BCL2: variants seen among roughly 807,000 people sequenced by gnomAD.
BCL2 encodes the protein apoptosis regulator Bcl-2.
Under a neutral mutation model 14.2 loss-of-function variants are expected in BCL2, and 1 was observed. That is an observed-to-expected ratio of 0.07 (90% CI 0.02 to 0.33). BCL2 has a LOEUF of 0.33. Ranked by LOEUF, BCL2 falls within the 10% of genes least tolerant of loss-of-function variation. The pLI is 0.99. For synonymous variants in BCL2, 151 were observed against 137.2 expected (o/e 1.10, Z -0.70); for missense variants, 247 against 305.9 (o/e 0.81, Z 1.44).
At chr18:63,269,290 G>C (rs1911932420) in intron 2 of BCL2, among the ~76,000 whole-genome samples, 1 of 152,078 alleles carries the variant, frequency 6.6e-6, no homozygotes, top group Non-Finnish European at 1.5e-5. Context: ...TGGACTTACA[G>C]TTTTAAAATA....
chr18:63,145,758 T>C (rs1914495733), intron 2 of BCL2, among the ~76,000 whole-genome samples: 2 of 152,180 alleles, frequency 1.3e-5, no homozygotes, highest in Non-Finnish European at 2.9e-5. Context: ...AGGGAATGTG[T>C]TCAGTGCAAC....
chr18:63,232,415 G>T (rs1317134338), intron 2 of BCL2, among the ~76,000 whole-genome samples: 3 of 151,990 alleles, frequency 2.0e-5, no homozygotes, highest in Non-Finnish European at 4.4e-5. Context: ...AATATTTAGT[G>T]AACACTTAGT....
rs17686373 is a variant in BCL2 at position 63,263,085 on chromosome 18, G to A, written c.585+54997C>T. Among the ~76,000 whole-genome samples, 1,444 of 152,284 alleles carry A rather than the reference G, an allele frequency of 9.5e-3. 10 individuals are homozygous for A. Among genetic ancestry groups the A allele is most frequent in the Middle Eastern group, 0.021 (6 of 292 alleles). On this transcript the variant is annotated intron_variant, in intron 2 of 2. Coordinates refer to ENST00000333681, the MANE Select transcript of BCL2 (RefSeq NM_000633.3). ...CACAGAGGGGCTGAAATCCTTCCCGGAAAACTGTGCTCATCAGGGAACCTC... is the reference window on the plus strand; with the variant it reads ...CACAGAGGGGCTGAAATCCTTCCCGAAAAACTGTGCTCATCAGGGAACCTC...
chr18:63,143,852 C>T (rs1304985933), intron 2 of BCL2, among the ~76,000 whole-genome samples: 1 of 152,242 alleles, frequency 6.6e-6, no homozygotes, highest in Non-Finnish European at 1.5e-5. Flanking sequence ...TACTGACCGC[C>T]TGAGTTGCAC....
intron 2 of BCL2, among the ~76,000 whole-genome samples, chr18:63,261,509 G>A (rs764353366): frequency 1.1e-4 from 16 of 152,188 alleles, no homozygotes; most frequent in Non-Finnish European, 2.1e-4. Flanking sequence ...AGCTGCAAGA[G>A]AGCCATGCAG....
At chr18:63,218,669 G>T (rs62100192) in intron 2 of BCL2, among the ~76,000 whole-genome samples, 5 of 1,536 alleles carry the variant, frequency 3.3e-3, no homozygotes, top group African/African-American at 3.0e-3. Context: ...CCATCCTCCA[G>T]TCATCCCCAT....
At chr18:63,129,367 G>A (rs1190113060) in intron 2 of BCL2, among the ~76,000 whole-genome samples, 1 of 150,824 alleles carries the variant, frequency 6.6e-6, no homozygotes, top group Non-Finnish European at 1.5e-5. Flanking sequence ...ATGACCCACT[G>A]CAGCCTCGAA....
At chr18:63,178,899 C>CAAA (rs111876869) in intron 2 of BCL2, among the ~76,000 whole-genome samples, 19 of 132,912 alleles carry the variant, frequency 1.4e-4, no homozygotes, top group Non-Finnish European at 1.8e-4. Flanking sequence ...GGGTTCAAGG[C>CAAA]AAAAAAAAAA....
At chr18:63,183,957 C>T in intron 2 of BCL2, among the ~76,000 whole-genome samples, 1 of 152,198 alleles carries the variant, frequency 6.6e-6, no homozygotes, top group East Asian at 1.9e-4. Context: ...CTGCATGGGG[C>T]CCTGCCCTCA....
At chr18:63,273,132 A>G (rs1015200148) in intron 2 of BCL2, among the ~76,000 whole-genome samples, 1 of 152,240 alleles carries the variant, frequency 6.6e-6, no homozygotes, top group Non-Finnish European at 1.5e-5. Flanking sequence ...TTTAAGTGGC[A>G]AATTTTATAG....
intron 2 of BCL2, among the ~76,000 whole-genome samples, chr18:63,291,940 T>C (rs1440659855): frequency 1.3e-5 from 2 of 152,058 alleles, no homozygotes; most frequent in African/African-American, 4.8e-5. Flanking sequence ...GCAAGTTAAA[T>C]TGAGAGTCCA....
At chr18:63,130,894 T>G (rs1387231753) in intron 2 of BCL2, among the ~76,000 whole-genome samples, 1 of 152,188 alleles carries the variant, frequency 6.6e-6, no homozygotes, top group Non-Finnish European at 1.5e-5. Context: ...TCTCATGGAT[T>G]GCCCTCCAAC....
chr18:63,148,032 C>T (rs1258442714), intron 2 of BCL2, among the ~76,000 whole-genome samples: 89 of 152,122 alleles, frequency 5.9e-4, no homozygotes, highest in Admixed American at 5.8e-3. Context: ...GAAAATCCAT[C>T]AGTCATTTTT....
intron 2 of BCL2, among the ~76,000 whole-genome samples, chr18:63,305,440 A>G (rs746028330): frequency 5.9e-5 from 9 of 152,184 alleles, no homozygotes; most frequent in Non-Finnish European, 1.2e-4. Flanking sequence ...TCTTCTTTAC[A>G]TGGGCATAAA....
At chr18:63,152,512 TAAGTC>T (rs1197207185) in intron 2 of BCL2, among the ~76,000 whole-genome samples, 2 of 152,234 alleles carry the variant, frequency 1.3e-5, no homozygotes, top group African/African-American at 2.4e-5. Context: ...GAACCATATC[TAAGTC>T]AAGTCTGGTG....
At chr18:63,277,030 C>T (rs1010796142) in intron 2 of BCL2, among the ~76,000 whole-genome samples, 4 of 152,102 alleles carry the variant, frequency 2.6e-5, no homozygotes, top group Non-Finnish European at 4.4e-5. Context: ...TCTCATTTCC[C>T]GCCACTTTCC....
intron 2 of BCL2, among the ~76,000 whole-genome samples, chr18:63,223,865 G>A (rs963179198): frequency 1.2e-4 from 19 of 152,102 alleles, no homozygotes; most frequent in Admixed American, 1.2e-3. Context: ...CTTAAATATG[G>A]TCAGACAATC....
chr18:63,202,616 T>C (rs1367566535), intron 2 of BCL2, among the ~76,000 whole-genome samples: 2 of 152,252 alleles, frequency 1.3e-5, no homozygotes, highest in Admixed American at 6.5e-5. Context: ...TGTACCTCGT[T>C]CTGTTTACAG....
intron 2 of BCL2, among the ~76,000 whole-genome samples, chr18:63,212,756 G>A (rs1233016808): frequency 1.3e-5 from 2 of 152,018 alleles, no homozygotes; most frequent in African/African-American, 4.8e-5. Flanking sequence ...CATGCCTGTA[G>A]TCCCAGTTAC....
Sources: gnomAD v4.1 joint callset for allele counts (sites outside exome capture counted in the v4.1 genomes callset) on GRCh38, gnomAD v4.1.1 for gene constraint, MANE v1.5 for transcripts, NCBI Gene and HGNC (gene_info 2026-07-23, HGNC 2026-07-21) for gene names.